The following TENM2 variants were observed in gnomAD, a reference collection of about 807,000 sequenced individuals.
TENM2 encodes teneurin-2.
TENM2 carries 52 observed loss-of-function variants against 245.2 expected under a neutral mutation model. That is an observed-to-expected ratio of 0.21 (90% CI 0.17 to 0.27). The LOEUF is 0.27. Ranked by LOEUF, TENM2 falls within the 10% of genes least tolerant of loss-of-function variation. The pLI is 1.00. For missense variants in TENM2, 3,046 were observed against 3,666.8 expected (o/e 0.83, Z 4.37); for synonymous variants, 1,363 against 1,438.9 (o/e 0.95, Z 1.19).
chr5:167,596,051 A>G (rs1345662777), intron 2 of TENM2, among the ~76,000 whole-genome samples: 1 of 152,080 alleles, frequency 6.6e-6, no homozygotes, highest in Non-Finnish European at 1.5e-5. Context: ...TTCAGACTTG[A>G]ATTTTTCTCC....
At chr5:167,206,688 C>T in the TENM2 span, among the ~76,000 whole-genome samples, 2 of 151,232 alleles carry the variant, frequency 1.3e-5, no homozygotes, top group Non-Finnish European at 3.0e-5. Context: ...TTAACTCCTA[C>T]TGGACCCAGG....
intron 28 of TENM2, among the ~76,000 whole-genome samples, chr5:168,260,715 C>T (rs1465159717): frequency 6.6e-6 from 1 of 152,186 alleles, no homozygotes; most frequent in East Asian, 1.9e-4. Context: ...AGCAACCTAC[C>T]ATCTGCACTG....
In TENM2 at chr5:168,225,626, T is replaced by C. The variant is rs556912446; in HGVS notation, c.5109-462T>C. The stretch of plus-strand genomic sequence containing the variant: ...AAATGCAAAAATTGGCCAGGCATCG[T>C]GGTGCATGCCTGTAATCCCAGCTGC... On this transcript the variant is annotated intron_variant, in intron 23 of 28. Coordinates refer to ENST00000518659, the Ensembl canonical transcript of TENM2. Among the ~76,000 whole-genome samples the C allele has an allele frequency of 1.3e-4, 20 of 152,016 alleles. No individual in the cohort carries two copies. In the South Asian group the frequency reaches 3.5e-3, roughly 27 times the overall value.
chr5:167,883,692 C>G (rs1774060553), intron 3 of TENM2, among the ~76,000 whole-genome samples: 1 of 152,250 alleles, frequency 6.6e-6, no homozygotes, highest in East Asian at 1.9e-4. Context: ...AGCCCAGAGA[C>G]TGGGAACTAC....
the TENM2 span, among the ~76,000 whole-genome samples, chr5:167,004,831 C>T: frequency 3.3e-5 from 5 of 152,188 alleles, no homozygotes; most frequent in Admixed American, 2.6e-4. Context: ...GTGCAGCGTG[C>T]TTGTGCAAGA....
At chr5:167,561,763 G>C (rs867016223) in intron 2 of TENM2, among the ~76,000 whole-genome samples, 19 of 152,220 alleles carry the variant, frequency 1.2e-4, no homozygotes, top group Middle Eastern at 6.8e-3. Flanking sequence ...CTGCAAGTGA[G>C]ACCACATTTA....
At chr5:167,534,708 G>T (rs1218894697) in intron 2 of TENM2, among the ~76,000 whole-genome samples, 1 of 152,138 alleles carries the variant, frequency 6.6e-6, no homozygotes, top group East Asian at 1.9e-4. Flanking sequence ...GGATAGAGGA[G>T]ACGAGACCTC....
At chr5:167,321,326 G>T (rs891663842) in intron 1 of TENM2, among the ~76,000 whole-genome samples, 2 of 152,116 alleles carry the variant, frequency 1.3e-5, no homozygotes, top group African/African-American at 2.4e-5. Context: ...AAAAGGAAAT[G>T]GGTGTCATTC....
chr5:167,601,240 G>A (rs182492096), intron 2 of TENM2, among the ~76,000 whole-genome samples: 7 of 152,212 alleles, frequency 4.6e-5, no homozygotes, highest in African/African-American at 7.2e-5. Context: ...ACGTCCTGTC[G>A]CACAGTGACG....
the TENM2 span, among the ~76,000 whole-genome samples, chr5:166,995,813 T>C: frequency 5.2e-5 from 1 of 19,236 alleles, no homozygotes; most frequent in African/African-American, 2.9e-4. Context: ...AGACTCCATC[T>C]CAAAAAAAAA....
intron 3 of TENM2, among the ~76,000 whole-genome samples, chr5:167,926,205 C>T (rs141905331): frequency 7.4e-4 from 112 of 152,176 alleles, no homozygotes; most frequent in African/African-American, 2.2e-3. Context: ...GAAAGACCCA[C>T]GTAAAGATGA....
the TENM2 span, among the ~76,000 whole-genome samples, chr5:167,148,507 G>T: frequency 6.6e-6 from 1 of 152,170 alleles, no homozygotes; most frequent in African/African-American, 2.4e-5. Context: ...TAGACATCCA[G>T]GTATATATTT....
the TENM2 span, among the ~76,000 whole-genome samples, chr5:167,041,380 A>G: frequency 6.6e-6 from 1 of 152,192 alleles, no homozygotes; most frequent in Admixed American, 6.5e-5. Flanking sequence ...TGCTTAGAGA[A>G]GCAGAGTTCC....
chr5:167,857,571 A>G (rs1398027933), intron 2 of TENM2, among the ~76,000 whole-genome samples: 1 of 152,082 alleles, frequency 6.6e-6, no homozygotes, highest in African/African-American at 2.4e-5. Flanking sequence ...TGCTTCCCAT[A>G]CCATCTCATA....
chr5:167,987,372 G>C (rs2151989795), intron 4 of TENM2, among the ~76,000 whole-genome samples: 1 of 151,558 alleles, frequency 6.6e-6, no homozygotes, highest in South Asian at 2.1e-4. Context: ...TTGTTGCCCA[G>C]GCTGGAGCGC....
chr5:167,794,768 C>T (rs1038775869), intron 2 of TENM2, among the ~76,000 whole-genome samples: 3 of 152,176 alleles, frequency 2.0e-5, no homozygotes, highest in African/African-American at 7.2e-5. Flanking sequence ...TTAGGCAAAG[C>T]AATGCTAATG....
intron 9 of TENM2, among the ~76,000 whole-genome samples, chr5:168,101,139 A>G (rs1364613428): frequency 6.6e-6 from 1 of 152,162 alleles, no homozygotes; most frequent in African/African-American, 2.4e-5. Flanking sequence ...AGAACAGAGA[A>G]CAGCTTTTCC....
chr5:167,245,944 C>T, the TENM2 span, among the ~76,000 whole-genome samples: 3 of 152,170 alleles, frequency 2.0e-5, no homozygotes, highest in Non-Finnish European at 2.9e-5. Flanking sequence ...AACTGGGGTA[C>T]TCAGTCACAG....
chr5:168,208,825 A>T (rs1762573060), intron 19 of TENM2, among the ~76,000 whole-genome samples: 1 of 152,234 alleles, frequency 6.6e-6, no homozygotes, highest in South Asian at 2.1e-4. Context: ...TCTAAGAAGA[A>T]AAAACTAAAA....
Sources: gnomAD v4.1 joint callset for allele counts (sites outside exome capture counted in the v4.1 genomes callset) on GRCh38, gnomAD v4.1.1 for gene constraint, MANE v1.5 for transcripts, NCBI Gene and HGNC (gene_info 2026-07-23, HGNC 2026-07-21) for gene names.